The following MTMR3 variants were observed in gnomAD, a reference collection of about 807,000 sequenced individuals.
The protein encoded by MTMR3 is myotubularin related protein 3.
Under a neutral mutation model 132.4 loss-of-function variants are expected in MTMR3, and 32 were observed. That is an observed-to-expected ratio of 0.24 (90% CI 0.18 to 0.32). The LOEUF is 0.32. Among genes scored for constraint, MTMR3 ranks in the 10% least tolerant of loss-of-function variants. MTMR3 has a pLI of 1.00. For missense variants in MTMR3, 1,216 were observed against 1,489.6 expected (o/e 0.82, Z 3.02); for synonymous variants, 556 against 550.3 (o/e 1.01, Z -0.14).
At chr22:29,967,001 C>T (rs2066434462) in intron 2 of MTMR3, among the ~76,000 whole-genome samples, 1 of 151,930 alleles carries the variant, frequency 6.6e-6, no homozygotes, top group Admixed American at 6.6e-5. Flanking sequence ...TGTACATTTT[C>T]TTTTCTAGAC....
intron 6 of MTMR3, 63 bp downstream of exon 6, chr22:29,988,625 C>T: frequency 8.0e-7 from 1 of 1,256,536 alleles, no homozygotes; most frequent in Non-Finnish European, 1.1e-6. Flanking sequence ...AAGAATGGGT[C>T]CATTATTTGG....
At chr22:29,908,650 A>C (rs890834131) in intron 1 of MTMR3, among the ~76,000 whole-genome samples, 10 of 149,624 alleles carry the variant, frequency 6.7e-5, no homozygotes, top group Non-Finnish European at 1.3e-4. Flanking sequence ...CATTTTGTTG[A>C]AGGGTAGCTC....
At chr22:30,000,817 T>C (rs888778065) in intron 8 of MTMR3, 4 of 152,176 alleles carry the variant, frequency 2.6e-5, no homozygotes, top group Non-Finnish European at 4.4e-5. Context: ...CTTTCCTGAG[T>C]GTAACCTATA....
At chr22:29,920,457 C>T (rs2065388778) in intron 1 of MTMR3, among the ~76,000 whole-genome samples, 1 of 152,096 alleles carries the variant, frequency 6.6e-6, no homozygotes. Context: ...CAGAATCCTG[C>T]TAACCTTGTG....
intron 1 of MTMR3, among the ~76,000 whole-genome samples, chr22:29,947,607 A>G (rs1430292959): frequency 6.6e-6 from 1 of 151,970 alleles, no homozygotes; most frequent in Non-Finnish European, 1.5e-5. Context: ...AATTTTTCTG[A>G]GTCATTGATT....
intron 1 of MTMR3, among the ~76,000 whole-genome samples, chr22:29,888,022 GTT>G (rs1335488988): frequency 7.0e-6 from 1 of 143,084 alleles, no homozygotes. Context: ...GTTTTGTTTT[GTT>G]TTTTTTTTTG....
chr22:29,895,700 A>T (rs2064879979), intron 1 of MTMR3, among the ~76,000 whole-genome samples: 1 of 152,144 alleles, frequency 6.6e-6, no homozygotes, highest in Non-Finnish European at 1.5e-5. Context: ...CGATTTGCTG[A>T]GCATACTTCT....
chr22:29,940,345 A>C (rs929805399), intron 1 of MTMR3, among the ~76,000 whole-genome samples: 1 of 139,894 alleles, frequency 7.1e-6, no homozygotes, highest in Non-Finnish European at 1.5e-5. Flanking sequence ...CTGCCCACAA[A>C]AATTTGTTCC....
At chr22:29,919,207 T>G (rs2145764842) in intron 1 of MTMR3, among the ~76,000 whole-genome samples, 1 of 152,344 alleles carries the variant, frequency 6.6e-6, no homozygotes, top group Middle Eastern at 3.4e-3. Flanking sequence ...TTGTTCTTCC[T>G]TTTTTCTGGG....
At chr22:30,018,963 G>T (rs1217910421) in intron 16 of MTMR3, 1 of 152,542 alleles carries the variant, frequency 6.6e-6, no homozygotes, top group African/African-American at 2.4e-5. Context: ...CAGCACTTTG[G>T]GAGGCCAAGG....
chr22:29,911,418 C>T (rs1241106711), intron 1 of MTMR3, among the ~76,000 whole-genome samples: 1 of 152,058 alleles, frequency 6.6e-6, no homozygotes, highest in Non-Finnish European at 1.5e-5. Context: ...TAGCACACGC[C>T]TGTGGTCCCA....
chr22:29,916,978 C>T (rs1413462537), intron 1 of MTMR3, among the ~76,000 whole-genome samples: 1 of 152,156 alleles, frequency 6.6e-6, no homozygotes. Flanking sequence ...GATACAATGT[C>T]ACTAATTATG....
intron 3 of MTMR3, chr22:29,978,012 C>CA (rs1283617408): frequency 6.4e-6 from 1 of 155,716 alleles, no homozygotes; most frequent in Non-Finnish European, 1.4e-5. Context: ...TTATGGCACG[C>CA]ACCTGTAGTC....
chr22:30,023,632 C>A, intron 19 of MTMR3: 2 of 939,898 alleles, frequency 2.1e-6, no homozygotes, highest in South Asian at 1.4e-5. Flanking sequence ...TGAGGGGATT[C>A]AAAGCAGCTG....
Position 30,028,355 on chromosome 22 carries a change from T to C in MTMR3, c.*2554T>C, listed in dbSNP as rs2145995972. On this transcript the variant is annotated 3_prime_UTR_variant, in exon 20 of 20. Coordinates refer to ENST00000401950, the MANE Select transcript of MTMR3 (RefSeq NM_021090.4). ...GGGGCAGAAATGGAATTAGATGTGA[T>C]TGGGTTATGCAGTCAACTAGAGGTC... 1 of 152,470 alleles carries C rather than the reference T, an allele frequency of 6.6e-6. No individual in the cohort carries two copies. The highest frequency in any genetic ancestry group is 1.9e-4 in the East Asian group (1 of 5,322). 9.4% of individuals were successfully genotyped at this position (152,470 alleles called of 1,614,324 possible).
chr22:29,972,421 G>A (rs1178169128), intron 3 of MTMR3, among the ~76,000 whole-genome samples: 2 of 152,158 alleles, frequency 1.3e-5, no homozygotes, highest in Non-Finnish European at 2.9e-5. Flanking sequence ...TTTAGACAAC[G>A]CTTGGGAGTT....
At chr22:29,883,541 G>A (rs945455063) in intron 1 of MTMR3, among the ~76,000 whole-genome samples, 182 bp downstream of exon 1, 1 of 152,134 alleles carries the variant, frequency 6.6e-6, no homozygotes, top group African/African-American at 2.4e-5. Context: ...TCGCCGCCAG[G>A]GGGAGGCGCT....
chr22:29,920,146 A>G (rs1246830971), intron 1 of MTMR3, among the ~76,000 whole-genome samples: 1 of 151,740 alleles, frequency 6.6e-6, no homozygotes, highest in Non-Finnish European at 1.5e-5. Flanking sequence ...CCTGGGAGGC[A>G]GAGGTTGCAG....
Position 30,007,265 on chromosome 22 carries a change from A to C in MTMR3, c.823A>C (p.Arg275=), listed in dbSNP as rs2067291181. ...SRSSGSKLST[R]NTSRDFPNGG... ...ATCGAGTGGCAGCAAGCTGTCAACT[A>C]GGAACACTTCTCGAGACTTTCCCAA... is the stretch of plus-strand genomic sequence containing the variant. The change falls in exon 10 of 20, where the codon AGG becomes CGG. Residue 275 remains arginine (R), a synonymous_variant. Transcript: ENST00000401950. The C allele has an allele frequency of 6.2e-7, 1 of 1,614,248 alleles. No individual in the cohort carries two copies. Among genetic ancestry groups the C allele is most frequent in the Non-Finnish European group, 8.5e-7 (1 of 1,180,036 alleles).
Sources: allele counts gnomAD v4.1 joint callset (sites outside exome capture counted in the v4.1 genomes callset), GRCh38; gene constraint gnomAD v4.1.1; transcripts MANE v1.5; gene names NCBI Gene and HGNC (gene_info 2026-07-23, HGNC 2026-07-21).